The following SND1 variants were observed in gnomAD, a reference collection of about 807,000 sequenced individuals.
The protein encoded by SND1 is staphylococcal nuclease domain-containing protein 1.
SND1 carries 38 observed loss-of-function variants against 121.7 expected under a neutral mutation model. The observed-to-expected ratio is 0.31, with a 90% confidence interval of 0.24 to 0.41. The LOEUF (loss-of-function observed/expected upper bound fraction) is 0.41, where lower values mean the gene tolerates loss of function less well. SND1 is among the 10% of genes least tolerant of loss of function. SND1 has a pLI of 1.00. For synonymous variants in SND1, 401 were observed against 447.4 expected (o/e 0.90, Z 1.31); for missense variants, 868 against 1,184.6 (o/e 0.73, Z 3.92).
intron 1 of SND1, among the ~76,000 whole-genome samples, chr7:127,658,034 C>CCTGTAATCCCAGCA (rs1795241380): frequency 6.6e-6 from 1 of 152,152 alleles, no homozygotes; most frequent in Non-Finnish European, 1.5e-5. Context: ...GTGGCTCATG[C>CCTGTAATCCCAGCA]CTGTAATCCC....
chr7:127,812,418 T>C (rs1798350334), intron 11 of SND1, among the ~76,000 whole-genome samples: 2 of 152,208 alleles, frequency 1.3e-5, no homozygotes, highest in Non-Finnish European at 2.9e-5. Context: ...GAGAAAGCAG[T>C]GTCAGATTAC....
At chr7:127,897,994 C>G (rs1800153285) in intron 13 of SND1, among the ~76,000 whole-genome samples, 1 of 152,112 alleles carries the variant, frequency 6.6e-6, no homozygotes, top group Admixed American at 6.6e-5. Context: ...AGACTTTAGA[C>G]TGCTCATAAC....
At chr7:127,698,606 C>T (rs1796048680) in intron 3 of SND1, among the ~76,000 whole-genome samples, 1 of 152,098 alleles carries the variant, frequency 6.6e-6, no homozygotes, top group Non-Finnish European at 1.5e-5. Flanking sequence ...TCCCATGGTT[C>T]CTGAGATTGC....
intron 15 of SND1, among the ~76,000 whole-genome samples, chr7:127,935,750 G>A (rs1339300629): frequency 1.3e-5 from 2 of 152,240 alleles, no homozygotes; most frequent in African/African-American, 4.8e-5. Context: ...TCTGCCGTAT[G>A]CACCCTCCAT....
At chr7:127,804,884 A>G (rs935097822) in intron 10 of SND1, among the ~76,000 whole-genome samples, 14 of 152,238 alleles carry the variant, frequency 9.2e-5, no homozygotes, top group African/African-American at 2.4e-4. Flanking sequence ...AGCTACCCTC[A>G]GAAAATAGAA....
intron 16 of SND1, among the ~76,000 whole-genome samples, chr7:128,021,126 C>T (rs554104928): frequency 1.3e-5 from 2 of 152,290 alleles, no homozygotes; most frequent in Admixed American, 6.5e-5. Flanking sequence ...AATATGCAGT[C>T]GTGTCAGAAG....
At chr7:127,744,836 C>A (rs1283287795) in intron 10 of SND1, among the ~76,000 whole-genome samples, 1 of 152,068 alleles carries the variant, frequency 6.6e-6, no homozygotes, top group African/African-American at 2.4e-5. Context: ...AAAGACACAC[C>A]CACAACTCCC....
chr7:127,793,719 G>A (rs561214557), intron 10 of SND1, among the ~76,000 whole-genome samples: 12 of 152,208 alleles, frequency 7.9e-5, no homozygotes, highest in East Asian at 1.9e-4. Flanking sequence ...CCAGTCTCAC[G>A]TCCCATGTCA....
chr7:127,922,189 T>TTTTTTTTTTTTTTTTTTTTTTTG (rs1800726194), intron 14 of SND1, among the ~76,000 whole-genome samples: 1 of 95,458 alleles, frequency 1.0e-5, no homozygotes, highest in African/African-American at 3.8e-5. Flanking sequence ...TTTTTTTTTT[T>TTTTTTTTTTTTTTTTTTTTTTTG]TTTTTTTTTT....
chr7:127,857,164 C>G (rs1190577378), intron 12 of SND1, among the ~76,000 whole-genome samples: 3 of 117,218 alleles, frequency 2.6e-5, no homozygotes, highest in East Asian at 2.2e-4. Flanking sequence ...GTTTCCAATT[C>G]TTAGGAAAAA....
At chr7:127,972,139 A>G (rs1332118652) in intron 15 of SND1, among the ~76,000 whole-genome samples, 1 of 152,160 alleles carries the variant, frequency 6.6e-6, no homozygotes, top group Non-Finnish European at 1.5e-5. Context: ...GATATGAAGT[A>G]TTTCTAACAC....
chr7:128,043,026 G>A (rs560427216), intron 16 of SND1, among the ~76,000 whole-genome samples: 1 of 152,184 alleles, frequency 6.6e-6, no homozygotes, highest in Non-Finnish European at 1.5e-5. Context: ...AAGGGCTCAC[G>A]CATACATGAG....
rs148742186 is a variant in SND1, at chr7:127,782,467, G to A, written c.1153-25017G>A. ...TGTTAAGGCATCATTAAACAGCCTG[G>A]GGAGCTTATTTTTCTATTTAAGCCT... is the stretch of plus-strand genomic sequence containing the variant. On this transcript the variant is annotated intron_variant, in intron 10 of 23. Transcript: ENST00000354725. Among the ~76,000 whole-genome samples the A allele has an allele frequency of 5.2e-3, 791 of 152,252 alleles. 4 individuals are homozygous for A. Among genetic ancestry groups the A allele is most frequent in the Middle Eastern group, 0.017 (5 of 294 alleles).
intron 12 of SND1, among the ~76,000 whole-genome samples, chr7:127,849,918 A>G (rs1430822329): frequency 1.3e-5 from 2 of 152,154 alleles, no homozygotes; most frequent in Non-Finnish European, 1.5e-5. Flanking sequence ...GACATCTTAG[A>G]TAATTCTTTC....
chr7:127,679,397 A>G (rs1795670202), intron 1 of SND1: 1 of 152,196 alleles, frequency 6.6e-6, no homozygotes, highest in African/African-American at 2.4e-5. Context: ...TATACATTTT[A>G]TGTCCCCATG....
intron 11 of SND1, among the ~76,000 whole-genome samples, chr7:127,828,459 G>C (rs1160087262): frequency 1.3e-5 from 2 of 151,962 alleles, no homozygotes; most frequent in Non-Finnish European, 2.9e-5. Flanking sequence ...GAAGATCTTG[G>C]ACAGCGATTA....
intron 12 of SND1, among the ~76,000 whole-genome samples, chr7:127,875,633 C>T (rs1799674368): frequency 6.6e-6 from 1 of 152,162 alleles, no homozygotes. Flanking sequence ...AAAATGATTA[C>T]ATGTGGCAAG....
intron 15 of SND1, among the ~76,000 whole-genome samples, chr7:127,950,834 A>G (rs1801444949): frequency 6.6e-6 from 1 of 152,230 alleles, no homozygotes; most frequent in African/African-American, 2.4e-5. Context: ...GATGGCTACT[A>G]TCAAAAAACT....
intron 10 of SND1, among the ~76,000 whole-genome samples, chr7:127,754,600 T>G (rs1052853903): frequency 6.6e-6 from 1 of 151,988 alleles, no homozygotes; most frequent in Non-Finnish European, 1.5e-5. Context: ...ACTCTGTGAT[T>G]TCACTGGCCA....
Sources: allele counts gnomAD v4.1 joint callset (sites outside exome capture counted in the v4.1 genomes callset), GRCh38; gene constraint gnomAD v4.1.1; transcripts MANE v1.5; gene names NCBI Gene and HGNC (gene_info 2026-07-23, HGNC 2026-07-21).